RALYL: variants seen among roughly 807,000 people sequenced by gnomAD.
RALYL encodes the protein RALY RNA binding protein like.
RALYL carries 29 observed loss-of-function variants against 35.1 expected under a neutral mutation model. The ratio of observed to expected loss-of-function variants is 0.83; its 90% CI spans 0.61 to 1.13. The LOEUF (loss-of-function observed/expected upper bound fraction) is 1.13. Among genes scored for constraint, RALYL ranks in the 50% most tolerant of loss-of-function variants. The pLI is 0.00. For synonymous variants in RALYL, 120 were observed against 127.6 expected, an observed-to-expected ratio of 0.94 and a Z score of 0.40; for missense variants, 359 against 360.4, an observed-to-expected ratio of 1.00 and a Z score of 0.03.
intron 2 of RALYL, among the ~76,000 whole-genome samples, chr8:84,651,812 G>A (rs1238070905): frequency 5.3e-5 from 8 of 152,006 alleles, no homozygotes; most frequent in Non-Finnish European, 1.0e-4. Flanking sequence ...TGAGCCAATT[G>A]TTGGAAAGGA....
chr8:84,631,194 G>C (rs1175834847), intron 2 of RALYL, among the ~76,000 whole-genome samples: 1 of 151,912 alleles, frequency 6.6e-6, no homozygotes, highest in Non-Finnish European at 1.5e-5. Context: ...GCCTATCTTA[G>C]CAAAGTCTGT....
chr8:84,372,532 G>A lies in RALYL; in HGVS notation c.-23-156767G>A, dbSNP rs576491986. On this transcript the variant is annotated intron_variant, in intron 1 of 8. Transcript: ENST00000521268. ...GTTGGAGGATCACTTGAGGCTGGGA[G>A]TTTGATACCAGCCCTCACAGCATAG... is the stretch of plus-strand genomic sequence containing the variant. Among the ~76,000 whole-genome samples the A allele has an allele frequency of 2.6e-5, 4 of 152,058 alleles. No homozygotes were observed. In the South Asian group the frequency reaches 8.3e-4, roughly 32 times the overall value.
At chr8:84,580,105 A>G (rs527622419) in intron 2 of RALYL, among the ~76,000 whole-genome samples, 1 of 152,360 alleles carries the variant, frequency 6.6e-6, no homozygotes, top group South Asian at 2.1e-4. Flanking sequence ...TATTTGATTG[A>G]TAGCCACATG....
intron 2 of RALYL, among the ~76,000 whole-genome samples, chr8:84,688,733 A>G (rs1395601240): frequency 6.6e-6 from 1 of 152,184 alleles, no homozygotes; most frequent in African/African-American, 2.4e-5. Flanking sequence ...ATAGGATTGC[A>G]TCAAACTAAG....
intron 4 of RALYL, among the ~76,000 whole-genome samples, chr8:84,848,425 ATGTG>A (rs1410383569): frequency 7.3e-6 from 1 of 136,536 alleles, no homozygotes; most frequent in Non-Finnish European, 1.7e-5. Flanking sequence ...GTATATATAT[ATGTG>A]TGTGTGTGTA....
At chr8:84,726,302 A>G (rs1184526461) in intron 2 of RALYL, among the ~76,000 whole-genome samples, 1 of 146,732 alleles carries the variant, frequency 6.8e-6, no homozygotes, top group East Asian at 2.0e-4. Flanking sequence ...AAATAAAATT[A>G]TATATATTTA....
In RALYL at chr8:84,354,701, C is replaced by T. The variant is rs557057970; in HGVS notation, c.-24+170277C>T. Among the ~76,000 whole-genome samples, 24 of 150,356 alleles carry T rather than the reference C, an allele frequency of 1.6e-4. No individual in the cohort carries two copies. In the South Asian group the frequency reaches 3.5e-3, roughly 22 times the overall value. ...ACATTAAATATCTAAGTCAATACAA[C>T]GGAATCCTGGGAGCCAAGCTGAGCA... is the stretch of plus-strand genomic sequence containing the variant. On this transcript the variant is annotated intron_variant, in intron 1 of 8. Coordinates refer to ENST00000521268, the MANE Select transcript of RALYL (RefSeq NM_173848.7).
chr8:84,226,778 T>A (rs1340486505), intron 1 of RALYL, among the ~76,000 whole-genome samples: 2 of 152,192 alleles, frequency 1.3e-5, no homozygotes, highest in Non-Finnish European at 2.9e-5. Context: ...ATACGGTGTT[T>A]AAGAACAATT....
chr8:84,739,339 G>A (rs960885578), intron 2 of RALYL, among the ~76,000 whole-genome samples: 5 of 151,502 alleles, frequency 3.3e-5, no homozygotes, highest in South Asian at 2.1e-4. Context: ...CAATTAAAGA[G>A]CTTATAGTTT....
rs189376229 is a variant in RALYL at position 84,871,113 on chromosome 8, T to A, written c.572-2171T>A. The stretch of plus-strand genomic sequence containing the variant: ...GGATTTCCGTGTTACATTTCAACAT[T>A]GTTTCTTGAGTAACATTAACTTATT... On this transcript the variant is annotated intron_variant, in intron 6 of 8. Coordinates refer to ENST00000521268, the MANE Select transcript of RALYL (RefSeq NM_173848.7). Among the ~76,000 whole-genome samples the A allele has an allele frequency of 1.7e-3, 265 of 152,310 alleles. 2 individuals carry two copies. Among genetic ancestry groups the A allele is most frequent in the Middle Eastern group, 6.8e-3 (2 of 294 alleles).
intron 1 of RALYL, among the ~76,000 whole-genome samples, chr8:84,286,273 G>A (rs1247960568): frequency 6.6e-6 from 1 of 152,200 alleles, no homozygotes; most frequent in Non-Finnish European, 1.5e-5. Flanking sequence ...AGTTGGTACA[G>A]CTATGTCTTT....
intron 2 of RALYL, among the ~76,000 whole-genome samples, chr8:84,612,311 C>T (rs1818484396): frequency 6.6e-6 from 1 of 151,908 alleles, no homozygotes; most frequent in Non-Finnish European, 1.5e-5. Flanking sequence ...TCATGAATAC[C>T]TAGCAATATC....
chr8:84,817,659 A>T (rs1217441025), intron 4 of RALYL, among the ~76,000 whole-genome samples: 1 of 151,862 alleles, frequency 6.6e-6, no homozygotes, highest in East Asian at 1.9e-4. Flanking sequence ...GGCCCAAGTG[A>T]TCCTCCCTCC....
At chr8:84,305,010 A>G (rs1474025912) in intron 1 of RALYL, among the ~76,000 whole-genome samples, 1 of 152,144 alleles carries the variant, frequency 6.6e-6, no homozygotes, top group Non-Finnish European at 1.5e-5. Flanking sequence ...CTTTTGGGAA[A>G]CATTACAGAG....
chr8:84,345,991 A>C (rs1475925059), intron 1 of RALYL: 1 of 709,154 alleles, frequency 1.4e-6, no homozygotes, highest in Non-Finnish European at 1.7e-6. Flanking sequence ...TCGTTGATTT[A>C]CCTCCTTGGG....
chr8:84,201,268 T>G (rs1191455430), intron 1 of RALYL, among the ~76,000 whole-genome samples: 1 of 152,206 alleles, frequency 6.6e-6, no homozygotes, highest in Non-Finnish European at 1.5e-5. Flanking sequence ...GAGGTTAAAT[T>G]GATTTAGTAT....
chr8:84,289,844 CAA>C (rs1414493651), intron 1 of RALYL, among the ~76,000 whole-genome samples: 5 of 152,004 alleles, frequency 3.3e-5, no homozygotes, highest in African/African-American at 7.2e-5. Flanking sequence ...GGTTCAGAAA[CAA>C]GAGAAAATCT....
intron 1 of RALYL, among the ~76,000 whole-genome samples, chr8:84,426,453 T>G (rs1460997395): frequency 1.5e-4 from 22 of 150,550 alleles, no homozygotes; most frequent in African/African-American, 5.1e-4. Context: ...TGTGTGTGTG[T>G]GTGTGTGTGT....
chr8:84,398,307 C>CT (rs72306371), intron 1 of RALYL, among the ~76,000 whole-genome samples: 14,020 of 148,048 alleles, frequency 0.095, 941 homozygotes, highest in African/African-American at 0.19. Context: ...GGTAAAGTTT[C>CT]TTTTTTTTTT....
Sources: allele counts gnomAD v4.1 joint callset (sites outside exome capture counted in the v4.1 genomes callset), GRCh38; gene constraint gnomAD v4.1.1; transcripts MANE v1.5; gene names NCBI Gene and HGNC (gene_info 2026-07-23, HGNC 2026-07-21).